FER: variants seen among roughly 807,000 people sequenced by gnomAD.
The protein encoded by FER is FER tyrosine kinase.
FER carries 63 observed loss-of-function variants against 111.0 expected under a neutral mutation model. The ratio of observed to expected loss-of-function variants is 0.57; its 90% CI spans 0.46 to 0.70. The LOEUF (loss-of-function observed/expected upper bound fraction) is 0.70, where lower values mean the gene tolerates loss of function less well. FER is among the 30% of genes least tolerant of loss of function. The pLI is 0.00. For synonymous variants in FER, 327 were observed against 313.9 expected (o/e 1.04, Z -0.44); for missense variants, 914 against 954.0 (o/e 0.96, Z 0.55).
intron 17 of FER, among the ~76,000 whole-genome samples, chr5:109,171,254 A>ACC (rs1716644837): frequency 6.6e-6 from 1 of 152,164 alleles, no homozygotes; most frequent in South Asian, 2.1e-4. Flanking sequence ...ATGCTCAGAA[A>ACC]ATCAAGAACT....
chr5:109,062,130 A>G lies in FER; in HGVS notation c.1924+14932A>G, dbSNP rs190565420. On this transcript the variant is annotated intron_variant, in intron 16 of 19. Coordinates refer to ENST00000281092, the MANE Select transcript of FER (RefSeq NM_005246.4). Reference sequence around the variant, plus strand: ...GGTAATATGAAAAAAAAACCCTAATATGCTAAAAGATGACCCCTTACTTTA... The same window carrying G: ...GGTAATATGAAAAAAAAACCCTAATGTGCTAAAAGATGACCCCTTACTTTA... Among the ~76,000 whole-genome samples, 131 of 152,282 alleles carry G rather than the reference A, an allele frequency of 8.6e-4. 1 individual carries two copies. The highest frequency in any genetic ancestry group is 1.4e-3 in the Non-Finnish European group (95 of 68,016).
At chr5:108,822,399 TGTAGGCTG>T (rs1364436762) in intron 3 of FER, among the ~76,000 whole-genome samples, 1 of 152,252 alleles carries the variant, frequency 6.6e-6, no homozygotes, top group African/African-American at 2.4e-5. Context: ...CTTATAGTTC[TGTAGGCTG>T]GGAAGTTCAA....
In FER at chr5:108,783,307, T is replaced by C. The variant is rs148408271; in HGVS notation, c.-59-14817T>C. ...TAGTTACATAATTTTCATCTGGTTA[T>C]TTTTATAACTTTTATTTCCTTGCTT... On this transcript the variant is annotated intron_variant, in intron 2 of 19. Transcript: ENST00000281092. Among the ~76,000 whole-genome samples the C allele has an allele frequency of 3.5e-3, 531 of 152,352 alleles. 1 individual carries two copies. Among genetic ancestry groups the C allele is most frequent in the Non-Finnish European group, 4.8e-3 (326 of 68,026 alleles).
At chr5:109,053,172 T>C (rs1258234328) in intron 16 of FER, among the ~76,000 whole-genome samples, 1 of 151,988 alleles carries the variant, frequency 6.6e-6, no homozygotes, top group Non-Finnish European at 1.5e-5. Flanking sequence ...GATCATGAGG[T>C]CAGGCATTCG....
intron 13 of FER, among the ~76,000 whole-genome samples, chr5:108,989,335 C>T (rs1206443463): frequency 1.3e-5 from 2 of 152,072 alleles, no homozygotes; most frequent in Non-Finnish European, 2.9e-5. Flanking sequence ...AGACCAACAA[C>T]CTTTGCCAAA....
rs1759426314 is a variant in FER at position 109,192,119 on chromosome 5, A to C, written c.*4544A>C. 1 of 152,174 alleles carries C rather than the reference A, an allele frequency of 6.6e-6. No homozygotes were observed. The highest frequency in any genetic ancestry group is 1.5e-5 in the Non-Finnish European group (1 of 68,020). 9.4% of individuals were successfully genotyped at this position (152,174 alleles called of 1,614,324 possible). On this transcript the variant is annotated 3_prime_UTR_variant, in exon 20 of 20. Coordinates refer to ENST00000281092, the MANE Select transcript of FER (RefSeq NM_005246.4). ...GACTGAGATTCTTGGGTGGCAGAAA[A>C]ATCCTGGTGTGCTAGATTCTTAGTC...
At chr5:109,052,570 A>G (rs1248017403) in intron 16 of FER, 6 of 612,328 alleles carry the variant, frequency 9.8e-6, no homozygotes, top group African/African-American at 9.2e-5. Flanking sequence ...AGACCTGTCT[A>G]TTTAAAGTTT....
chr5:108,888,760 T>C (rs1025098029), intron 9 of FER, among the ~76,000 whole-genome samples: 1 of 151,888 alleles, frequency 6.6e-6, no homozygotes, highest in Non-Finnish European at 1.5e-5. Flanking sequence ...AAGGAACATG[T>C]TCATATATGA....
At chr5:108,775,019 G>A (rs989662526) in intron 2 of FER, among the ~76,000 whole-genome samples, 2 of 152,034 alleles carry the variant, frequency 1.3e-5, no homozygotes, top group African/African-American at 4.8e-5. Flanking sequence ...AATTTTTATG[G>A]TTTTGGGTTT....
chr5:108,753,770 T>C (rs1461298935), intron 1 of FER, among the ~76,000 whole-genome samples: 1 of 152,190 alleles, frequency 6.6e-6, no homozygotes, highest in African/African-American at 2.4e-5. Context: ...AATACAGGGT[T>C]CTAATTCTTA....
At chr5:108,751,904 T>G (rs1750551041) in intron 1 of FER, among the ~76,000 whole-genome samples, 1 of 152,144 alleles carries the variant, frequency 6.6e-6, no homozygotes, top group South Asian at 2.1e-4. Context: ...TGTGTACACC[T>G]TTTTAAGTAT....
At chr5:109,001,663 G>T (rs1291078255) in intron 13 of FER, among the ~76,000 whole-genome samples, 1 of 152,130 alleles carries the variant, frequency 6.6e-6, no homozygotes, top group Non-Finnish European at 1.5e-5. Flanking sequence ...GAAATAAAGG[G>T]CATTCAATTA....
chr5:108,893,013 T>C (rs2150314381), intron 9 of FER, among the ~76,000 whole-genome samples: 1 of 152,310 alleles, frequency 6.6e-6, no homozygotes, highest in East Asian at 1.9e-4. Flanking sequence ...CTCTGTTCTG[T>C]TCCATTGGTC....
At position 108,747,968 on chromosome 5, in the gene FER, T is replaced by A. The variant is rs1749991918; in HGVS notation, c.-238T>A. 6.6e-6 allele frequency: 1 copy of A among 152,264 alleles called. No individual in the cohort carries two copies. Among genetic ancestry groups the A allele is most frequent in the South Asian group, 2.1e-4 (1 of 4,832 alleles). The allele number at this position is 152,264 out of a possible 1,614,324, so 9.4% of individuals were successfully genotyped here. On this transcript the variant is annotated 5_prime_UTR_variant, in exon 1 of 20. Coordinates refer to ENST00000281092, the MANE Select transcript of FER (RefSeq NM_005246.4). ...GCCATCACTGAAGAGCAGACCCGTT[T>A]GGGTTCTCCACGCATTCTAGACTCC...
chr5:108,915,733 A>G (rs1009298844), intron 10 of FER, among the ~76,000 whole-genome samples: 2 of 152,098 alleles, frequency 1.3e-5, no homozygotes, highest in African/African-American at 4.8e-5. Context: ...ATGTGTCAGG[A>G]GAAAGGTAGC....
At chr5:109,087,278 T>A (rs1229188866) in intron 16 of FER, among the ~76,000 whole-genome samples, 1 of 151,848 alleles carries the variant, frequency 6.6e-6, no homozygotes, top group Non-Finnish European at 1.5e-5. Flanking sequence ...TTATTCAGAC[T>A]TGTTTAATTG....
At chr5:109,019,548 A>G (rs943006984) in intron 13 of FER, among the ~76,000 whole-genome samples, 1 of 151,832 alleles carries the variant, frequency 6.6e-6, no homozygotes, top group Non-Finnish European at 1.5e-5. Context: ...CATCAATATC[A>G]TAAGGGAACT....
chr5:108,763,009 T>C (rs1381160702), intron 1 of FER, among the ~76,000 whole-genome samples: 1 of 152,242 alleles, frequency 6.6e-6, no homozygotes, highest in Non-Finnish European at 1.5e-5. Context: ...TGTATTTTAC[T>C]TACTTATTTT....
chr5:109,081,631 T>C (rs62375529), intron 16 of FER, among the ~76,000 whole-genome samples: 25,892 of 151,958 alleles, frequency 0.17, 2,450 homozygotes, highest in Non-Finnish European at 0.19. Flanking sequence ...AGCAGTTACT[T>C]AGGAGGAAAC....
Sources: allele counts gnomAD v4.1 joint callset (sites outside exome capture counted in the v4.1 genomes callset), GRCh38; gene constraint gnomAD v4.1.1; transcripts MANE v1.5; gene names NCBI Gene and HGNC (gene_info 2026-07-23, HGNC 2026-07-21).